Variants in USP8 observed in about 807,000 individuals in gnomAD.
USP8 encodes the protein ubiquitin specific peptidase 8, also known as ubiquitin carboxyl-terminal hydrolase 8.
A neutral mutation model predicts 130.0 loss-of-function variants in USP8; 27 were observed. That is an observed-to-expected ratio of 0.21 (90% CI 0.15 to 0.29). The LOEUF is 0.29. Ranked by LOEUF, USP8 falls within the 10% of genes least tolerant of loss-of-function variation. The pLI is 1.00. For synonymous variants in USP8, 392 were observed against 444.1 expected, an observed-to-expected ratio of 0.88 and a Z score of 1.48; for missense variants, 1,029 against 1,312.2, an observed-to-expected ratio of 0.78 and a Z score of 3.33.
intron 3 of USP8, among the ~76,000 whole-genome samples, chr15:50,448,991 C>G (rs991283722): frequency 1.3e-5 from 2 of 152,078 alleles, no homozygotes; most frequent in Non-Finnish European, 2.9e-5. Context: ...AACAAGTAAA[C>G]AAAACACATT....
In USP8 at chr15:50,513,794, CT is replaced by C. The variant is rs1388770408; in HGVS notation, c.*14707del. Reference sequence around the variant, plus strand: ...AAGTGTTAACAAGGATTTAAGGCAACTGAAACTTCCAGTCATTGCTGGTGGG... The same window carrying C: ...AAGTGTTAACAAGGATTTAAGGCAACGAAACTTCCAGTCATTGCTGGTGGG... On this transcript the variant is annotated 3_prime_UTR_variant, in exon 20 of 20. Transcript: ENST00000307179. 6.6e-6 allele frequency: 1 copy of C among 152,190 alleles called. No individual in the cohort carries two copies. The highest frequency in any genetic ancestry group is 2.4e-5 in the African/African-American group (1 of 41,456). The allele number at this position is 152,190 out of a possible 1,614,324, so 9.4% of individuals were successfully genotyped here. A position where few individuals can be genotyped will look rare whatever the true frequency, so the allele number is the denominator to read the frequency against.
intron 1 of USP8, among the ~76,000 whole-genome samples, chr15:50,426,500 G>A (rs2049731242): frequency 6.6e-6 from 1 of 152,192 alleles, no homozygotes; most frequent in African/African-American, 2.4e-5. Flanking sequence ...TAATGCGTTT[G>A]TATTCAGATA....
Position 50,470,760 on chromosome 15 carries a change from C to T in USP8, c.687-873C>T, listed in dbSNP as rs187673802. Among the ~76,000 whole-genome samples, 482 of 152,104 alleles carry T rather than the reference C, an allele frequency of 3.2e-3. 3 individuals are homozygous for T. The highest frequency in any genetic ancestry group is 0.011 in the African/African-American group (447 of 41,488). On this transcript the variant is annotated intron_variant, in intron 7 of 19. Transcript: ENST00000307179. ...GATTACAGGCGCCTGCCACCATGCC[C>T]GGCTAATTTTTGTATTTAGTAGAGA...
intron 3 of USP8, among the ~76,000 whole-genome samples, chr15:50,445,549 A>AAAAAAAAAC: frequency 9.6e-6 from 1 of 103,758 alleles, no homozygotes; most frequent in Non-Finnish European, 1.9e-5. Context: ...CTGTCTCAAA[A>AAAAAAAAAC]AAAAAAAAAA....
rs910929883 is a variant in USP8, at chr15:50,505,449, A to G, written c.*6361A>G. The G allele has an allele frequency of 6.6e-6, 1 of 152,204 alleles. No individual in the cohort carries two copies. The highest frequency in any genetic ancestry group is 2.4e-5 in the African/African-American group (1 of 41,464). The allele number at this position is 152,204 out of a possible 1,614,324, so 9.4% of individuals were successfully genotyped here. Reference sequence around the variant, plus strand: ...TATCATCCAAGAATGAAAGTGAATTAAAGACTTCTCAAAGACTGAGAGACT... The same window carrying G: ...TATCATCCAAGAATGAAAGTGAATTGAAGACTTCTCAAAGACTGAGAGACT... On this transcript the variant is annotated 3_prime_UTR_variant, in exon 20 of 20. Transcript: ENST00000307179.
At chr15:50,449,635 G>A in intron 4 of USP8, 150 bp downstream of exon 4, 1 of 418,698 alleles carries the variant, frequency 2.4e-6, no homozygotes, top group East Asian at 5.1e-5. Flanking sequence ...ATGCTGGAGT[G>A]CAGTGGCGCG....
chr15:50,485,550 ATTTTTTTTTTTTTTTTTT>A (rs71424071), intron 12 of USP8, among the ~76,000 whole-genome samples: 2 of 27,926 alleles, frequency 7.2e-5, no homozygotes, highest in Non-Finnish European at 1.3e-4. Flanking sequence ...CAGTTTAGTG[ATTTTTTTTTTTTTTTTTT>A]TTTTTTTTTT....
intron 5 of USP8, among the ~76,000 whole-genome samples, chr15:50,460,985 T>C (rs1014811027): frequency 5.3e-5 from 8 of 150,806 alleles, no homozygotes; most frequent in Non-Finnish European, 1.0e-4. Flanking sequence ...GGAAAAACCC[T>C]GTCTCTACAA....
chr15:50,467,266 T>A (rs1167165050), intron 7 of USP8, among the ~76,000 whole-genome samples: 1 of 152,208 alleles, frequency 6.6e-6, no homozygotes, highest in Non-Finnish European at 1.5e-5. Flanking sequence ...TCGTTATTAC[T>A]GAGTTTACAT....
chr15:50,505,373 C>T lies in USP8; in HGVS notation c.*6285C>T, dbSNP rs1032409428. ...ATAGAAATCAGAGACAATACAGTAG[C>T]TTCAAAATAATAGAGAAAAATAACT... On this transcript the variant is annotated 3_prime_UTR_variant, in exon 20 of 20. Coordinates refer to ENST00000307179, the MANE Select transcript of USP8 (RefSeq NM_005154.5). The T allele has an allele frequency of 4.6e-5, 7 of 152,112 alleles. No individual in the cohort carries two copies. Among genetic ancestry groups the T allele is most frequent in the African/African-American group, 1.7e-4 (7 of 41,430 alleles). 9.4% of individuals were successfully genotyped at this position (152,112 alleles called of 1,614,324 possible).
chr15:50,434,358 C>T (rs1355806176), intron 1 of USP8, among the ~76,000 whole-genome samples: 1 of 151,878 alleles, frequency 6.6e-6, no homozygotes. Flanking sequence ...CTGCCTCAGC[C>T]TCCCGAAGTG....
chr15:50,494,511 A>ATAGT (rs1468001801), intron 16 of USP8, among the ~76,000 whole-genome samples: 1 of 152,262 alleles, frequency 6.6e-6, no homozygotes, highest in African/African-American at 2.4e-5. Context: ...AAATGTTAAA[A>ATAGT]TAGTTATTGG....
rs2052720093 is a variant in USP8, at chr15:50,510,308, G to A, written c.*11220G>A. The A allele has an allele frequency of 6.6e-6, 1 of 152,030 alleles. No individual in the cohort carries two copies. The highest frequency in any genetic ancestry group is 2.4e-5 in the African/African-American group (1 of 41,380). 9.4% of individuals were successfully genotyped at this position (152,030 alleles called of 1,614,324 possible). Reference sequence around the variant, plus strand: ...TAGGTAAATATCTTTGTAATTCCAGGGTTGGAAAGGATTTCTTAAATGAGA... The same window carrying A: ...TAGGTAAATATCTTTGTAATTCCAGAGTTGGAAAGGATTTCTTAAATGAGA... On this transcript the variant is annotated 3_prime_UTR_variant, in exon 20 of 20. Coordinates refer to ENST00000307179, the MANE Select transcript of USP8 (RefSeq NM_005154.5).
intron 7 of USP8, chr15:50,467,130 T>C (rs562752697): frequency 3.7e-5 from 13 of 349,224 alleles, no homozygotes; most frequent in African/African-American, 1.9e-4. Context: ...GATTACTGGT[T>C]GTTAAAAATA....
At chr15:50,485,550 ATTTTT>A (rs71424071) in intron 12 of USP8, among the ~76,000 whole-genome samples, 5 of 27,938 alleles carry the variant, frequency 1.8e-4, no homozygotes, top group East Asian at 1.5e-3. Flanking sequence ...CAGTTTAGTG[ATTTTT>A]TTTTTTTTTT....
chr15:50,424,665 C>T lies in USP8; in HGVS notation c.-66+151C>T, dbSNP rs1595887960. 1.8e-5 allele frequency: 7 copies of T among 395,562 alleles called. No individual in the cohort carries two copies. In the South Asian group the frequency reaches 1.0e-3, roughly 57 times the overall value. 24.5% of individuals were successfully genotyped at this position (395,562 alleles called of 1,614,324 possible). A position where few individuals can be genotyped will look rare whatever the true frequency, so the allele number is the denominator to read the frequency against. On this transcript the variant is annotated intron_variant, in intron 1 of 19. Transcript: ENST00000307179. ...GGACAACTCCTAAAGGTAGAATCAG[C>T]TTGTGGAGAGGAAAGGCCCAACCTT...
rs1000135239 is a variant in USP8 at position 50,499,683 on chromosome 15, A to G, written c.*595A>G. ...TGGCTTTGGGCTGTATTTGTGCACT[A>G]AATCTTTATTCTAAAAAAAAAAATG... On this transcript the variant is annotated 3_prime_UTR_variant, in exon 20 of 20. Coordinates refer to ENST00000307179, the MANE Select transcript of USP8 (RefSeq NM_005154.5). The G allele has an allele frequency of 2.0e-5, 3 of 152,104 alleles. No individual in the cohort carries two copies. Among genetic ancestry groups the G allele is most frequent in the African/African-American group, 7.2e-5 (3 of 41,416 alleles). The allele number at this position is 152,104 out of a possible 1,614,324, so 9.4% of individuals were successfully genotyped here. A position where few individuals can be genotyped will look rare whatever the true frequency, so the allele number is the denominator to read the frequency against.
At chr15:50,452,698 G>T (rs2050664529) in intron 4 of USP8, among the ~76,000 whole-genome samples, 2 of 152,108 alleles carry the variant, frequency 1.3e-5, no homozygotes, top group South Asian at 4.1e-4. Context: ...GTGAGCTTGG[G>T]CAAATTACTT....
intron 12 of USP8, 117 bp downstream of exon 12, chr15:50,484,478 G>T: frequency 1.3e-6 from 1 of 778,566 alleles, no homozygotes. Flanking sequence ...TAAGGGGATC[G>T]TTGCCATCTT....
Sources: allele counts gnomAD v4.1 joint callset (sites outside exome capture counted in the v4.1 genomes callset), GRCh38; gene constraint gnomAD v4.1.1; transcripts MANE v1.5; gene names NCBI Gene and HGNC (gene_info 2026-07-23, HGNC 2026-07-21).